DDX6: variants seen among roughly 807,000 people sequenced by gnomAD.
The protein encoded by DDX6 is probable ATP-dependent RNA helicase DDX6.
In DDX6, 7 loss-of-function variants were observed where a neutral mutation model predicts 60.6. That is an observed-to-expected ratio of 0.12 (90% confidence interval 0.07 to 0.22). The LOEUF (loss-of-function observed/expected upper bound fraction) is 0.22, where lower values mean the gene tolerates loss of function less well. Ranked by LOEUF, DDX6 falls within the 10% of genes least tolerant of loss-of-function variation. DDX6 has a pLI of 1.00. For synonymous variants in DDX6, 207 were observed against 201.0 expected (o/e 1.03, Z -0.25); for missense variants, 270 against 589.9 (o/e 0.46, Z 5.62).
chr11:118,758,717 C>A, intron 9 of DDX6, 57 bp downstream of exon 9: 2 of 1,585,864 alleles, frequency 1.3e-6, no homozygotes, highest in Non-Finnish European at 1.7e-6. Context: ...TTGATGAAAT[C>A]ATCTGTTTTA....
intron 12 of DDX6, among the ~76,000 whole-genome samples, chr11:118,755,196 T>C (rs1555158445): frequency 6.6e-6 from 1 of 152,210 alleles, no homozygotes. Context: ...TGTGTTAATT[T>C]CATCTCAAAT....
At chr11:118,757,385 C>T in intron 9 of DDX6, 98 bp from the exon 10 acceptor site, 1 of 589,902 alleles carries the variant, frequency 1.7e-6, no homozygotes, top group Non-Finnish European at 2.9e-6. Context: ...GAAACATTAA[C>T]ATGGTCTAAA....
At chr11:118,752,602 G>A (rs782771724) in intron 13 of DDX6, among the ~76,000 whole-genome samples, 13 of 151,726 alleles carry the variant, frequency 8.6e-5, no homozygotes, top group Admixed American at 4.6e-4. Flanking sequence ...GTAAATCCTC[G>A]TCTCTATTTA....
rs1237606702 is a variant in DDX6 at position 118,749,813 on chromosome 11, TG to T, written c.*2291del. ...TTAAATTCCCTCTCCCACCCCTCCCTGGAAAAAAGTTACTTCCTTAATTAGG... is the reference window on the plus strand; with the variant it reads ...TTAAATTCCCTCTCCCACCCCTCCCTGAAAAAAGTTACTTCCTTAATTAGG... On this transcript the variant is annotated 3_prime_UTR_variant, in exon 14 of 14. Transcript: ENST00000534980. 6.6e-6 allele frequency: 1 copy of T among 152,534 alleles called. No homozygotes were observed. Among genetic ancestry groups the T allele is most frequent in the Non-Finnish European group, 1.5e-5 (1 of 67,994 alleles). The allele number at this position is 152,534 out of a possible 1,614,324, so 9.4% of individuals were successfully genotyped here.
At position 118,754,896 on chromosome 11, in the gene DDX6, C is replaced by G. The variant is rs529124287; in HGVS notation, c.1277-9G>C. On this transcript the variant is annotated splice_polypyrimidine_tract_variant and intron_variant, in intron 12 of 13. Transcript: ENST00000534980. ...AAGATGACCAAAGCGACCTAAAAAA[C>G]ATGCGTTTAAAAATTTTAATGAATA... 5 of 1,588,368 alleles carry G rather than the reference C, an allele frequency of 3.1e-6. No homozygotes were observed. The highest frequency in any genetic ancestry group is 3.4e-6 in the Non-Finnish European group (4 of 1,172,646).
At chr11:118,781,325 C>A (rs1861892603) in intron 2 of DDX6, 141 bp from the exon 3 acceptor site, 1 of 586,006 alleles carries the variant, frequency 1.7e-6, no homozygotes, top group Non-Finnish European at 3.0e-6. Context: ...GATAATTAAA[C>A]AACTTTAGAA....
At chr11:118,754,965 A>T (rs1037432799) in intron 12 of DDX6, 78 bp from the exon 13 acceptor site, 1 of 1,242,466 alleles carries the variant, frequency 8.0e-7, no homozygotes, top group Admixed American at 2.5e-5. Flanking sequence ...AGCAGTGGCA[A>T]AACCACACAG....
chr11:118,754,631 A>T, intron 13 of DDX6, 74 bp downstream of exon 13: 1 of 1,392,714 alleles, frequency 7.2e-7, no homozygotes, highest in Non-Finnish European at 9.8e-7. Context: ...TGTGACATCA[A>T]ATTTCCCCCA....
intron 4 of DDX6, among the ~76,000 whole-genome samples, chr11:118,778,786 G>A (rs1861787895): frequency 6.6e-6 from 1 of 152,088 alleles, no homozygotes; most frequent in Non-Finnish European, 1.5e-5. Flanking sequence ...CCCTGAGAAG[G>A]CCATAATGTG....
At chr11:118,779,561 G>T in intron 4 of DDX6, 71 bp downstream of exon 4, 1 of 1,003,574 alleles carries the variant, frequency 1.0e-6, no homozygotes, top group Non-Finnish European at 1.5e-6. Context: ...TATCACTTCT[G>T]CAGAGCAAAA....
chr11:118,771,730 T>G (rs1332316994), intron 4 of DDX6, among the ~76,000 whole-genome samples: 3 of 152,252 alleles, frequency 2.0e-5, no homozygotes, highest in Non-Finnish European at 4.4e-5. Flanking sequence ...TAAACAGGAT[T>G]AGTTTGCCCA....
rs1359292319 is a variant in DDX6, at chr11:118,751,856, T to A, written c.*249A>T. ...TCCCCTTTCCCCAGAAAACATTTTT[T>A]AAAAACCAGCAGTTAGTGCAACTAA... On this transcript the variant is annotated 3_prime_UTR_variant, in exon 14 of 14. Coordinates refer to ENST00000534980, the MANE Select transcript of DDX6 (RefSeq NM_004397.6). The A allele has an allele frequency of 4.6e-6, 2 of 431,494 alleles. No homozygotes were observed. The highest frequency in any genetic ancestry group is 9.2e-6 in the Non-Finnish European group (2 of 217,294). 26.7% of individuals were successfully genotyped at this position (431,494 alleles called of 1,614,324 possible).
intron 11 of DDX6, 40 bp downstream of exon 11, chr11:118,756,220 G>T: frequency 1.9e-6 from 3 of 1,575,622 alleles, no homozygotes; most frequent in East Asian, 4.5e-5. Context: ...AAACAACTTG[G>T]GAGAAAAACA....
chr11:118,754,058 A>G (rs581062), intron 13 of DDX6, among the ~76,000 whole-genome samples: 94,214 of 152,038 alleles, frequency 0.62, 29,697 homozygotes, highest in East Asian at 0.7. Context: ...TGATTGTGCC[A>G]CTGTACTCCA....
At chr11:118,754,016 T>C (rs1860877158) in intron 13 of DDX6, among the ~76,000 whole-genome samples, 1 of 152,116 alleles carries the variant, frequency 6.6e-6, no homozygotes, top group African/African-American at 2.4e-5. Context: ...CAGAATCGCT[T>C]GAACCTGGGA....
At chr11:118,757,641 A>G (rs908409166) in intron 9 of DDX6, among the ~76,000 whole-genome samples, 1 of 151,520 alleles carries the variant, frequency 6.6e-6, no homozygotes, top group Non-Finnish European at 1.5e-5. Context: ...TCCAGGCTGG[A>G]GTGCAATGGT....
intron 9 of DDX6, among the ~76,000 whole-genome samples, chr11:118,758,284 G>C (rs1378126318): frequency 2.0e-5 from 3 of 152,276 alleles, no homozygotes; most frequent in Admixed American, 2.0e-4. Context: ...ATTCAAAAGT[G>C]TATCTGTGAC....
chr11:118,768,162 A>G, intron 5 of DDX6, 61 bp downstream of exon 5: 3 of 1,503,002 alleles, frequency 2.0e-6, no homozygotes, highest in South Asian at 1.2e-5. Context: ...TATCTTCTAC[A>G]CATGGCTCCA....
In DDX6 at chr11:118,751,642, A is replaced by G. The variant is rs1555157379; in HGVS notation, c.*463T>C. On this transcript the variant is annotated 3_prime_UTR_variant, in exon 14 of 14. Coordinates refer to ENST00000534980, the MANE Select transcript of DDX6 (RefSeq NM_004397.6). ...ATGATATTCTGAATGGTCTCATAGC[A>G]TAAGGCACTTCGCACAAATAAGTAA... 1 of 203,076 alleles carries G rather than the reference A, an allele frequency of 4.9e-6. No individual in the cohort carries two copies. Among genetic ancestry groups the G allele is most frequent in the Non-Finnish European group, 1.0e-5 (1 of 97,710 alleles). 12.6% of individuals were successfully genotyped at this position (203,076 alleles called of 1,614,324 possible). A position where few individuals can be genotyped will look rare whatever the true frequency, so the allele number is the denominator to read the frequency against.
Sources: allele counts gnomAD v4.1 joint callset (sites outside exome capture counted in the v4.1 genomes callset), GRCh38; gene constraint gnomAD v4.1.1; transcripts MANE v1.5; gene names NCBI Gene and HGNC (gene_info 2026-07-23, HGNC 2026-07-21).